UBN2: variants seen among roughly 807,000 people sequenced by gnomAD.
The protein encoded by UBN2 is ubinuclein-2.
UBN2 carries 35 observed loss-of-function variants against 120.2 expected under a neutral mutation model. That is an observed-to-expected ratio of 0.29 (90% CI 0.22 to 0.39). The LOEUF (loss-of-function observed/expected upper bound fraction) is 0.39. UBN2 is among the 10% of genes least tolerant of loss of function. UBN2 has a pLI of 1.00. For synonymous variants in UBN2, 661 were observed against 648.7 expected, an observed-to-expected ratio of 1.02 and a Z score of -0.29; for missense variants, 1,693 against 1,663.2, an observed-to-expected ratio of 1.02 and a Z score of -0.31.
At chr7:139,329,954 G>A in the UBN2 span, among the ~76,000 whole-genome samples, 8 of 152,132 alleles carry the variant, frequency 5.3e-5, no homozygotes, top group African/African-American at 1.9e-4. Context: ...AAGGTGCAAT[G>A]ACTAAGAACT....
In UBN2 at chr7:139,283,661, A is replaced by G. The variant is rs1797684155; in HGVS notation, c.2756A>G (p.Asp919Gly). 1.2e-6 allele frequency: 2 copies of G among 1,614,144 alleles called. No homozygotes were observed. The highest frequency in any genetic ancestry group is 1.7e-6 in the Non-Finnish European group (2 of 1,180,026). The change falls in exon 15 of 18, where the codon GAT becomes GGT. Residue 919 changes from aspartate to glycine, a missense_variant. Transcript: ENST00000473989. ...GCTCTGGGAACATCCGAGGCCCAAG[A>G]TGCTTCTTCGTTAACACAAGTAACA... Reference protein sequence around the residue: ...SHALGTSEAQDASSLTQVTKV... With the variant: ...SHALGTSEAQGASSLTQVTKV...
In UBN2 at chr7:139,261,727, G is replaced by C; in HGVS notation, c.1381G>C (p.Glu461Gln). 6.2e-7 allele frequency: 1 copy of C among 1,611,426 alleles called. No individual in the cohort carries two copies. Among genetic ancestry groups the C allele is most frequent in the Non-Finnish European group, 8.5e-7 (1 of 1,177,820 alleles). The change falls in exon 6 of 18, where the codon GAA (glutamate) becomes CAA (glutamine). Residue 461 changes from glutamate (E) to glutamine (Q), a missense_variant. By Grantham distance (29) the Glu-to-Gln change is conservative (BLOSUM62 2). This residue lies in a region of UBN2 where 178 missense variants were observed against 204.0 expected (regional missense o/e 0.87). Transcript: ENST00000473989. ...GLPVLLEKRI[E>Q]DLRVAAKLFD... ...ACCTGTACTTCTTGAAAAACGTATCGAAGACCTTCGTGTAGTAAGTGTAAT... is the reference window on the plus strand; with the variant it reads ...ACCTGTACTTCTTGAAAAACGTATCCAAGACCTTCGTGTAGTAAGTGTAAT...
downstream of UBN2, among the ~76,000 whole-genome samples, chr7:139,308,441 C>G (rs980731503): frequency 6.6e-6 from 1 of 152,136 alleles, no homozygotes; most frequent in African/African-American, 2.4e-5. Context: ...TGTCACAAAG[C>G]TACATTTTGG....
intron 7 of UBN2, among the ~76,000 whole-genome samples, chr7:139,267,021 A>G (rs1022982779): frequency 6.6e-6 from 1 of 152,226 alleles, no homozygotes; most frequent in African/African-American, 2.4e-5. Context: ...GTTTGATACT[A>G]ATGAAGCTGT....
At chr7:139,245,121 T>TTG (rs1491233625) in intron 2 of UBN2, among the ~76,000 whole-genome samples, 2 of 146,418 alleles carry the variant, frequency 1.4e-5, no homozygotes, top group African/African-American at 5.1e-5. Flanking sequence ...TTTTTTTTTT[T>TTG]GAAAAACAGG....
downstream of UBN2, among the ~76,000 whole-genome samples, chr7:139,310,365 C>T (rs1245989279): frequency 2.0e-5 from 3 of 151,974 alleles, no homozygotes; most frequent in African/African-American, 7.3e-5. Flanking sequence ...ACATGGGGAT[C>T]TAATGCGTGC....
chr7:139,282,012 T>C lies in UBN2; in HGVS notation c.2075T>C (p.Met692Thr), dbSNP rs778746910. Residue 692 changes from methionine (M) to threonine (T), a missense_variant, in exon 14 of 18, where the codon ATG becomes ACG. Met to Thr is a moderately conservative substitution (Grantham distance 81, BLOSUM62 -1). Transcript: ENST00000473989. ...GCTTATGTAATACCTTAGGAGGTGATGGTAAAGACCCTTCCTCTCCATTCT... is the reference window on the plus strand; with the variant it reads ...GCTTATGTAATACCTTAGGAGGTGACGGTAAAGACCCTTCCTCTCCATTCT... ...PAPKPKVKEV[M>T]VKTLPLHSFP... 1.9e-6 allele frequency: 3 copies of C among 1,613,390 alleles called. No individual in the cohort carries two copies. Among genetic ancestry groups the C allele is most frequent in the East Asian group, 2.2e-5 (1 of 44,774 alleles).
intron 7 of UBN2, among the ~76,000 whole-genome samples, chr7:139,268,205 G>A (rs945938759): frequency 2.6e-5 from 4 of 152,110 alleles, no homozygotes; most frequent in Non-Finnish European, 5.9e-5. Context: ...ATCTTAAAAC[G>A]AATCTTCCCA....
chr7:139,268,818 C>T (rs1218548523), intron 7 of UBN2, among the ~76,000 whole-genome samples: 1 of 152,148 alleles, frequency 6.6e-6, no homozygotes, highest in Non-Finnish European at 1.5e-5. Context: ...GAGTTTGCCC[C>T]TGTAACCCAA....
intron 7 of UBN2, among the ~76,000 whole-genome samples, chr7:139,266,655 G>C (rs950290779): frequency 6.6e-5 from 10 of 152,182 alleles, no homozygotes; most frequent in African/African-American, 2.4e-4. Context: ...ATGCAGGTTG[G>C]ATATTAAGCT....
intron 3 of UBN2, among the ~76,000 whole-genome samples, chr7:139,254,138 A>G (rs1796694705): frequency 6.6e-6 from 1 of 152,066 alleles, no homozygotes; most frequent in South Asian, 2.1e-4. Context: ...CTAAAAATAC[A>G]AAAAATTAGC....
chr7:139,249,428 T>G (rs915142162), intron 2 of UBN2, among the ~76,000 whole-genome samples: 2 of 152,222 alleles, frequency 1.3e-5, no homozygotes, highest in Non-Finnish European at 2.9e-5. Context: ...TGGCATAACT[T>G]TTTTCCCTCA....
chr7:139,283,973 C>G lies in UBN2; in HGVS notation c.3068C>G (p.Ser1023Cys). 1.2e-6 allele frequency: 2 copies of G among 1,613,680 alleles called. No homozygotes were observed. The highest frequency in any genetic ancestry group is 1.7e-6 in the Non-Finnish European group (2 of 1,179,896). Residue 1023 changes from serine to cysteine, a missense_variant, in exon 15 of 18, where the codon TCC becomes TGC. This residue lies in a region of UBN2 where 837 missense variants were observed against 817.6 expected (regional missense o/e 1.02). Coordinates refer to ENST00000473989, the MANE Select transcript of UBN2 (RefSeq NM_173569.4). ...YLAKAMVSQI[S>C]TQGFKSPFSM... ...GCCAAGGCTATGGTGTCACAGATCTCCACGCAGGGTTTCAAATCTCCCTTC... is the reference window on the plus strand; with the variant it reads ...GCCAAGGCTATGGTGTCACAGATCTGCACGCAGGGTTTCAAATCTCCCTTC...
intron 1 of UBN2, 49 bp downstream of exon 1, chr7:139,232,001 C>G (rs749701304): frequency 1.0e-5 from 16 of 1,545,444 alleles, no homozygotes; most frequent in Middle Eastern, 3.7e-4. Flanking sequence ...GCCTCAGGAC[C>G]CGCCGCCTTC....
rs1796006762 is a variant in UBN2, at chr7:139,231,489, C to T, written c.5C>T (p.Ala2Val). The T allele has an allele frequency of 2.9e-6, 4 of 1,380,662 alleles. No individual in the cohort carries two copies. Among genetic ancestry groups the T allele is most frequent in the Non-Finnish European group, 1.9e-6 (2 of 1,058,484 alleles). 85.5% of individuals were successfully genotyped at this position (1,380,662 alleles called of 1,614,324 possible). ...CGGAGGGCCAGAACAGTGGGGATGG[C>T]GGAGCCGCGCAGAGTAGCGTTCATT... The part of the protein sequence containing the change: M[A>V]EPRRVAFISL... The change falls in exon 1 of 18, where the codon GCG becomes GTG. Residue 2 changes from alanine (A) to valine (V), a missense_variant. Ala to Val is a moderately conservative substitution (Grantham distance 64). Around this residue, in one of 5 missense-constraint regions of UBN2, gnomAD observed 663 missense variants for 591.2 expected, o/e 1.12. Transcript: ENST00000473989.
At chr7:139,293,572 G>GTTTT in intron 16 of UBN2, 109 bp downstream of exon 16, 74 of 689,644 alleles carry the variant, frequency 1.1e-4, no homozygotes, top group Non-Finnish European at 1.4e-4. Context: ...GAAGATTATA[G>GTTTT]TTTTTTTTTT....
chr7:139,322,217 G>A, the UBN2 span, among the ~76,000 whole-genome samples: 33,292 of 152,026 alleles, frequency 0.22, 3,928 homozygotes, highest in Admixed American at 0.34. Context: ...CAGGTGATCC[G>A]CCCACCTCGG....
chr7:139,294,255 G>A (rs1402087670), intron 17 of UBN2, among the ~76,000 whole-genome samples: 2 of 152,176 alleles, frequency 1.3e-5, no homozygotes, highest in Non-Finnish European at 2.9e-5. Context: ...TAAAAGTTAT[G>A]TACAGTAATG....
Position 139,297,897 on chromosome 7 carries a change from A to G in UBN2, c.*61A>G. ...GACTGATGGAATCTACCTGATGGGA[A>G]AGTACTTATGTGGTCATAGGGCTGC... is the stretch of plus-strand genomic sequence containing the variant. On this transcript the variant is annotated 3_prime_UTR_variant, in exon 18 of 18. Coordinates refer to ENST00000473989, the MANE Select transcript of UBN2 (RefSeq NM_173569.4). 2 of 1,572,794 alleles carry G rather than the reference A, an allele frequency of 1.3e-6. No individual in the cohort carries two copies. The highest frequency in any genetic ancestry group is 2.2e-5 in the South Asian group (2 of 90,134).
Sources: gnomAD v4.1 joint callset for allele counts (sites outside exome capture counted in the v4.1 genomes callset) on GRCh38, gnomAD v4.1.1 for gene constraint, gnomAD v4.1.1 regional missense constraint, MANE v1.5 for transcripts, NCBI Gene and HGNC (gene_info 2026-07-23, HGNC 2026-07-21) for gene names.